PROM1: variants seen among roughly 807,000 people sequenced by gnomAD.
PROM1 encodes the protein prominin-1.
PROM1 carries 105 observed loss-of-function variants against 116.9 expected under a neutral mutation model. The ratio of observed to expected loss-of-function variants is 0.90; its 90% CI spans 0.77 to 1.06. PROM1 has a LOEUF of 1.06. PROM1 is among the 50% of genes least tolerant of loss of function. The probability of loss-of-function intolerance (pLI) is 0.00; values close to 1 mark genes in which losing one functional copy is unlikely to be tolerated. For synonymous variants in PROM1, 393 were observed against 387.0 expected (o/e 1.02, Z -0.18); for missense variants, 1,122 against 1,045.2 (o/e 1.07, Z -1.01).
At chr4:16,033,139 G>T (rs1236827163) in intron 5 of PROM1, among the ~76,000 whole-genome samples, 165 bp downstream of exon 5, 1 of 151,842 alleles carries the variant, frequency 6.6e-6, no homozygotes, top group Non-Finnish European at 1.5e-5. Context: ...AGATCCTTTC[G>T]AATCACTCTA....
chr4:15,994,821 G>T (rs1721911370), intron 15 of PROM1, among the ~76,000 whole-genome samples: 1 of 152,178 alleles, frequency 6.6e-6, no homozygotes, highest in Non-Finnish European at 1.5e-5. Flanking sequence ...AGGGATGCCT[G>T]GAAGAAGCAA....
rs1338439921 is a variant in PROM1 at position 16,041,491 on chromosome 4, T to C, written c.221-2490A>G. On this transcript the variant is annotated intron_variant, in intron 2 of 27. Transcript: ENST00000447510. ...ACACCATCTTTACTTGGAAGAAAAG[T>C]TGATGGCCAGGCACAGTGGCTCACA... Among the ~76,000 whole-genome samples, 4 of 152,078 alleles carry C rather than the reference T, an allele frequency of 2.6e-5. No homozygotes were observed. The East Asian group carries it at 5.8e-4, about 22-fold the overall frequency.
At chr4:15,969,520 C>G (rs1293888055) in intron 27 of PROM1, among the ~76,000 whole-genome samples, 152 bp from the exon 28 acceptor site, 1 of 152,098 alleles carries the variant, frequency 6.6e-6, no homozygotes, top group Non-Finnish European at 1.5e-5. Flanking sequence ...ATGTTTGTTG[C>G]AAAGCAATCT....
intron 4 of PROM1, among the ~76,000 whole-genome samples, chr4:16,035,140 A>C (rs1733677859): frequency 6.6e-6 from 1 of 152,194 alleles, no homozygotes; most frequent in African/African-American, 2.4e-5. Flanking sequence ...TCCCATGTCC[A>C]CGAAGAGGCA....
At chr4:15,991,328 A>G (rs1162297879) in intron 17 of PROM1, 35 bp from the exon 18 acceptor site, 1 of 1,468,142 alleles carries the variant, frequency 6.8e-7, no homozygotes, top group East Asian at 2.4e-5. Flanking sequence ...TCTTATGGAT[A>G]TGGGATCTTT....
intron 15 of PROM1, among the ~76,000 whole-genome samples, chr4:15,995,138 T>A (rs943538912): frequency 6.6e-6 from 1 of 152,150 alleles, no homozygotes; most frequent in Non-Finnish European, 1.5e-5. Flanking sequence ...TGACTATCAA[T>A]GTCTACCCTG....
intron 9 of PROM1, among the ~76,000 whole-genome samples, chr4:16,017,846 T>A (rs1728788657): frequency 6.6e-6 from 1 of 152,198 alleles, no homozygotes; most frequent in Admixed American, 6.5e-5. Flanking sequence ...GGTGTGTATC[T>A]AACTAAATCA....
At chr4:15,969,969 G>A (rs1427107543) in intron 27 of PROM1, among the ~76,000 whole-genome samples, 1 of 151,882 alleles carries the variant, frequency 6.6e-6, no homozygotes, top group Non-Finnish European at 1.5e-5. Context: ...TAGAGATAGG[G>A]TTTCACTACA....
rs1450950266 is a variant in PROM1 at position 15,969,089 on chromosome 4, C to G, written c.*304G>C. ...GAAATGCATCCAATGGGAACAAACA[C>G]CCCATATGTTGTAGTGTCTAAATAG... On this transcript the variant is annotated 3_prime_UTR_variant, in exon 28 of 28. Transcript: ENST00000447510. The G allele has an allele frequency of 2.0e-5, 3 of 152,060 alleles. No homozygotes were observed. The highest frequency in any genetic ancestry group is 4.4e-5 in the Non-Finnish European group (3 of 68,012). 9.4% of individuals were successfully genotyped at this position (152,060 alleles called of 1,614,324 possible).
chr4:16,045,534 C>T (rs760805555), intron 2 of PROM1, among the ~76,000 whole-genome samples: 1 of 152,224 alleles, frequency 6.6e-6, no homozygotes, highest in East Asian at 1.9e-4. Context: ...TAATACAACA[C>T]ACCTTACCGA....
intron 2 of PROM1, among the ~76,000 whole-genome samples, chr4:16,072,208 A>G (rs889709699): frequency 2.0e-5 from 3 of 152,160 alleles, no homozygotes; most frequent in Non-Finnish European, 4.4e-5. Context: ...TATGTTTATT[A>G]AGCTGGAACT....
rs1723525348 is a variant in PROM1 at position 16,000,574 on chromosome 4, A to G, written c.1500T>C (p.Ile500=). The part of the protein sequence containing the change: ...SFLFCWILMI[I]VVLTFVFGAN... ...CACCAAAGACAAAGGTAAGAACCAC[A>G]ATGATCATCAATATCCAGCAAAAGA... The change falls in exon 14 of 28, where the codon ATT becomes ATC. Residue 500 remains isoleucine (I), a synonymous_variant. Coordinates refer to ENST00000447510, the MANE Select transcript of PROM1 (RefSeq NM_006017.3). 1.9e-6 allele frequency: 3 copies of G among 1,586,372 alleles called. No individual in the cohort carries two copies. The highest frequency in any genetic ancestry group is 2.2e-5 in the East Asian group (1 of 44,724).
At chr4:16,004,049 A>C (rs1353243204) in intron 13 of PROM1, among the ~76,000 whole-genome samples, 1 of 152,240 alleles carries the variant, frequency 6.6e-6, no homozygotes, top group Non-Finnish European at 1.5e-5. Flanking sequence ...TTAAAAAAAG[A>C]AACTGCATTC....
chr4:16,038,260 A>G lies in PROM1; in HGVS notation c.276+686T>C, dbSNP rs189682922. Among the ~76,000 whole-genome samples, 333 of 152,326 alleles carry G rather than the reference A, an allele frequency of 2.2e-3. 1 individual carries two copies. The highest frequency in any genetic ancestry group is 0.015 in the East Asian group (78 of 5,190). ...TACAAATGCAAAGCTACTTTTTAAC[A>G]AACGATGTTTTATAACAGAGTACAC... On this transcript the variant is annotated intron_variant, in intron 3 of 27. Transcript: ENST00000447510.
rs1019933098 is a variant in PROM1 at position 15,987,858 on chromosome 4, A to G, written c.2077-142T>C. On this transcript the variant is annotated intron_variant, in intron 19 of 27. Transcript: ENST00000447510. ...TCATTCTAGAAAAAATAACCAACAC[A>G]ATTAACAATGTGTACTTTCTTTTTT... The G allele has an allele frequency of 7.2e-5, 49 of 677,812 alleles. No homozygotes were observed. In the African/African-American group the frequency reaches 7.9e-4, roughly 11 times the overall value. The allele number at this position is 677,812 out of a possible 1,614,324, so 42.0% of individuals were successfully genotyped here. A position where few individuals can be genotyped will look rare whatever the true frequency, so the allele number is the denominator to read the frequency against.
intron 7 of PROM1, among the ~76,000 whole-genome samples, chr4:16,023,795 C>A (rs183245931): frequency 2.0e-5 from 3 of 152,202 alleles, no homozygotes; most frequent in African/African-American, 7.2e-5. Flanking sequence ...GTTGGTAGCA[C>A]TGTCCCCACC....
Position 15,992,403 on chromosome 4 carries a change from G to C in PROM1, c.1768-12C>G, listed in dbSNP as rs2149123980. ...ATGCTTCCAGTATGCTGCGAAAAAA[G>C]GAAGTTACAAATCAGTCCCTTATTC... is the stretch of plus-strand genomic sequence containing the variant. On this transcript the variant is annotated splice_polypyrimidine_tract_variant and intron_variant, in intron 16 of 27. Coordinates refer to ENST00000447510, the MANE Select transcript of PROM1 (RefSeq NM_006017.3). The C allele has an allele frequency of 6.2e-7, 1 of 1,610,668 alleles. No homozygotes were observed. Among genetic ancestry groups the C allele is most frequent in the Non-Finnish European group, 8.5e-7 (1 of 1,178,128 alleles).
chr4:16,063,596 A>C (rs1265729136), intron 2 of PROM1, among the ~76,000 whole-genome samples: 1 of 152,210 alleles, frequency 6.6e-6, no homozygotes, highest in Non-Finnish European at 1.5e-5. Flanking sequence ...ACTCCATCTC[A>C]AACAAAATAA....
chr4:16,042,914 C>T (rs1321697601), intron 2 of PROM1, among the ~76,000 whole-genome samples: 1 of 152,126 alleles, frequency 6.6e-6, no homozygotes, highest in East Asian at 1.9e-4. Context: ...TTGCACTAAG[C>T]CAGATGTTCA....
Sources: allele counts gnomAD v4.1 joint callset (sites outside exome capture counted in the v4.1 genomes callset), GRCh38; gene constraint gnomAD v4.1.1; transcripts MANE v1.5; gene names NCBI Gene and HGNC (gene_info 2026-07-23, HGNC 2026-07-21).